The following SLCO3A1 variants were observed in gnomAD, a reference collection of about 807,000 sequenced individuals.
SLCO3A1 encodes the protein solute carrier organic anion transporter family member 3A1.
Under a neutral mutation model 63.1 loss-of-function variants are expected in SLCO3A1, and 27 were observed. The ratio of observed to expected loss-of-function variants is 0.43; its 90% confidence interval spans 0.32 to 0.59. The LOEUF is 0.59. SLCO3A1 is among the 20% of genes least tolerant of loss of function. The pLI is 0.09. For synonymous variants in SLCO3A1, 473 were observed against 409.9 expected, an observed-to-expected ratio of 1.15 and a Z score of -1.86; for missense variants, 773 against 945.8, an observed-to-expected ratio of 0.82 and a Z score of 2.40.
rs771459316 is a variant in SLCO3A1 at position 91,886,947 on chromosome 15, G to C, written c.181-29046G>C. Among the ~76,000 whole-genome samples, 26 of 152,208 alleles carry C rather than the reference G, an allele frequency of 1.7e-4. No homozygotes were observed. Among genetic ancestry groups the C allele is most frequent in the Non-Finnish European group, 3.5e-4 (24 of 68,042 alleles). On this transcript the variant is annotated intron_variant, in intron 1 of 9. Transcript: ENST00000318445. The surrounding 1 kb of genome is among the most constrained non-coding windows in gnomAD (Gnocchi z 4.9). ...TGCTTACAGCTGAAGTTGCAGTTGC[G>C]TGGGAGAGGGAGCAGGAGTTTATTC...
At chr15:91,880,387 C>CTGTGTGTGTGTGTG (rs1202128572) in intron 1 of SLCO3A1, among the ~76,000 whole-genome samples, 2 of 121,402 alleles carry the variant, frequency 1.6e-5, no homozygotes, top group African/African-American at 8.7e-5. Context: ...GTGCTTCTCT[C>CTGTGTGTGTGTGTG]TCTCTCTCTC....
chr15:92,139,210 T>C (rs374465245), intron 7 of SLCO3A1, among the ~76,000 whole-genome samples: 3 of 149,296 alleles, frequency 2.0e-5, no homozygotes, highest in Admixed American at 6.7e-5. Context: ...TGTCAAAGGC[T>C]TTTTCTGCAT....
chr15:91,907,815 C>T (rs1179894987), intron 1 of SLCO3A1, among the ~76,000 whole-genome samples: 5 of 152,152 alleles, frequency 3.3e-5, no homozygotes, highest in Admixed American at 1.3e-4. Flanking sequence ...CGTGAGTCAC[C>T]GTGCCCAGCT....
At position 91,912,405 on chromosome 15, in the gene SLCO3A1, TA is replaced by T. The variant is rs1374276063; in HGVS notation, c.181-3587del. 3.9e-5 allele frequency among the ~76,000 whole-genome samples: 6 copies of T among 152,218 alleles called. No individual in the cohort carries two copies. The highest frequency in any genetic ancestry group is 7.3e-5 in the Non-Finnish European group (5 of 68,050). ...CCACAGGTCAAGGAGGGAAAGACCG[TA>T]CTACTTCCTGTCACCCCTGTGCGTT... On this transcript the variant is annotated intron_variant, in intron 1 of 9. Coordinates refer to ENST00000318445, the MANE Select transcript of SLCO3A1 (RefSeq NM_013272.4). The surrounding 1 kb of genome is among the most constrained non-coding windows in gnomAD (Gnocchi z 5.0).
At chr15:92,080,925 G>A (rs965837135) in intron 2 of SLCO3A1, among the ~76,000 whole-genome samples, 1 of 140,590 alleles carries the variant, frequency 7.1e-6, no homozygotes, top group Non-Finnish European at 1.5e-5. Flanking sequence ...TCATTTTTAT[G>A]GATACATAGT....
chr15:92,166,092 C>G (rs1247447377), downstream of SLCO3A1, among the ~76,000 whole-genome samples: 3 of 152,084 alleles, frequency 2.0e-5, no homozygotes, highest in African/African-American at 7.3e-5. Context: ...ATATCATTCC[C>G]TCCTATGAAG....
At chr15:91,939,133 GC>G (rs1387137671) in intron 2 of SLCO3A1, among the ~76,000 whole-genome samples, 4 of 152,146 alleles carry the variant, frequency 2.6e-5, no homozygotes, top group African/African-American at 9.7e-5. Flanking sequence ...GGAAGCTAGT[GC>G]CAGCATCTGC....
At chr15:92,081,420 G>A (rs967150205) in intron 2 of SLCO3A1, among the ~76,000 whole-genome samples, 2 of 151,492 alleles carry the variant, frequency 1.3e-5, no homozygotes, top group African/African-American at 4.9e-5. Context: ...TTGTGATCTC[G>A]GCTCACTGGT....
intron 7 of SLCO3A1, among the ~76,000 whole-genome samples, chr15:92,146,756 G>T (rs1393872847): frequency 6.6e-6 from 1 of 152,108 alleles, no homozygotes. Flanking sequence ...GAATGGAAAT[G>T]AAACACACAA....
intron 2 of SLCO3A1, among the ~76,000 whole-genome samples, chr15:92,076,373 T>TG (rs35855979): frequency 0.44 from 66,909 of 152,014 alleles, 16,158 homozygotes; most frequent in Admixed American, 0.62. Context: ...TTTCTGCTGA[T>TG]GCAGCCTATG....
chr15:92,013,044 A>G (rs2046386564), intron 2 of SLCO3A1, among the ~76,000 whole-genome samples: 1 of 152,232 alleles, frequency 6.6e-6, no homozygotes, highest in South Asian at 2.1e-4. Flanking sequence ...AGTTCTGGCT[A>G]CGAGGCTTCA....
At chr15:92,143,467 T>TTATATATAAA (rs1567143224) in intron 7 of SLCO3A1, among the ~76,000 whole-genome samples, 1 of 16,776 alleles carries the variant, frequency 6.0e-5, no homozygotes, top group African/African-American at 3.6e-4. Context: ...ATAATATATA[T>TTATATATAAA]AAATATATAT....
intron 1 of SLCO3A1, among the ~76,000 whole-genome samples, chr15:91,861,269 G>T (rs1430265739): frequency 6.6e-6 from 1 of 152,152 alleles, no homozygotes; most frequent in Non-Finnish European, 1.5e-5. Context: ...AGCAAGCCAG[G>T]GGAGCCTTCA....
intron 2 of SLCO3A1, among the ~76,000 whole-genome samples, chr15:92,025,702 G>A (rs1378161335): frequency 6.6e-6 from 1 of 152,170 alleles, no homozygotes; most frequent in South Asian, 2.1e-4. Context: ...GTCTCTATGA[G>A]TTTAGTGTTA....
intron 7 of SLCO3A1, among the ~76,000 whole-genome samples, chr15:92,141,615 G>A (rs1056415573): frequency 2.6e-5 from 4 of 152,104 alleles, no homozygotes; most frequent in African/African-American, 2.4e-5. Context: ...AGCTGAAGGG[G>A]TATCCCCTAC....
In SLCO3A1 at chr15:91,906,263, GCTAA is replaced by G. The variant is rs572205463; in HGVS notation, c.181-9722_181-9719del. 6.6e-5 allele frequency among the ~76,000 whole-genome samples: 10 copies of G among 152,262 alleles called. No individual in the cohort carries two copies. The East Asian group carries it at 1.4e-3, about 21-fold the overall frequency. On this transcript the variant is annotated intron_variant, in intron 1 of 9. Transcript: ENST00000318445. ...ACACTTGTCTCCTCAGTTACTAGGG[GCTAA>G]CTAACTATGTGCTATTTCTTTGGGT...
intron 7 of SLCO3A1, among the ~76,000 whole-genome samples, chr15:92,135,197 C>T (rs560476426): frequency 6.6e-6 from 1 of 152,272 alleles, no homozygotes; most frequent in South Asian, 2.1e-4. Flanking sequence ...GCCCTGTGTT[C>T]CTTCAGAGTT....
chr15:91,853,971 C>A lies in SLCO3A1; in HGVS notation c.63C>A (p.Asp21Glu). The A allele has an allele frequency of 6.6e-7, 1 of 1,504,442 alleles. No homozygotes were observed. Among genetic ancestry groups the A allele is most frequent in the East Asian group, 2.9e-5 (1 of 34,946 alleles). The allele number at this position is 1,504,442 out of a possible 1,614,324, so 93.2% of individuals were successfully genotyped here. ...GGGRSGELQG[D>E]EAQRNKKKKK... ...GCCGGAGCGGCGAGCTGCAGGGGGA[C>A]GAGGCGCAGAGGAACAAGAAAAAGA... is the stretch of plus-strand genomic sequence containing the variant. Residue 21 changes from aspartate to glutamate, a missense_variant, in exon 1 of 10, where the codon GAC (aspartate) becomes GAA (glutamate). By Grantham distance (45) the Asp-to-Glu change is conservative (BLOSUM62 2). This residue lies in a region of SLCO3A1 where 69 missense variants were observed against 64.6 expected (regional missense o/e 1.07). Transcript: ENST00000318445.
At chr15:92,121,573 G>T (rs1384042561) in intron 5 of SLCO3A1, among the ~76,000 whole-genome samples, 1 of 152,158 alleles carries the variant, frequency 6.6e-6, no homozygotes, top group Non-Finnish European at 1.5e-5. Flanking sequence ...GGTCAAGAAG[G>T]GTCTCTGGGA....
Sources: gnomAD v4.1 joint callset for allele counts (sites outside exome capture counted in the v4.1 genomes callset) on GRCh38, gnomAD v4.1.1 for gene constraint, gnomAD v4.1.1 regional missense constraint, Gnocchi (gnomAD v3.1) non-coding constraint, MANE v1.5 for transcripts, NCBI Gene and HGNC (gene_info 2026-07-23, HGNC 2026-07-21) for gene names.